The following NFAT5 variants were observed in gnomAD, a reference collection of about 807,000 sequenced individuals.
NFAT5 encodes nuclear factor of activated T-cells 5.
In NFAT5, 31 loss-of-function variants were observed where a neutral mutation model predicts 166.5. That is an observed-to-expected ratio of 0.19 (90% CI 0.14 to 0.25). NFAT5 has a LOEUF of 0.25. Ranked by LOEUF, NFAT5 falls within the 10% of genes least tolerant of loss-of-function variation. NFAT5 has a pLI of 1.00. For missense variants in NFAT5, 1,449 were observed against 1,821.8 expected (o/e 0.80, Z 3.72); for synonymous variants, 612 against 639.7 (o/e 0.96, Z 0.65).
At chr16:69,670,138 T>C (rs1238081774) in intron 8 of NFAT5, 27 bp downstream of exon 8, 1 of 1,602,972 alleles carries the variant, frequency 6.2e-7, no homozygotes, top group Admixed American at 1.8e-5. Context: ...GTGGTACAGA[T>C]ATTTGTATGT....
At chr16:69,688,429 G>T (rs2037415895) in intron 11 of NFAT5, among the ~76,000 whole-genome samples, 1 of 152,018 alleles carries the variant, frequency 6.6e-6, no homozygotes, top group Admixed American at 6.6e-5. Flanking sequence ...AGGCTGGAAT[G>T]CAGTGGCGTG....
intron 6 of NFAT5, among the ~76,000 whole-genome samples, chr16:69,659,378 G>C (rs2036028262): frequency 6.6e-6 from 1 of 152,012 alleles, no homozygotes; most frequent in African/African-American, 2.4e-5. Context: ...AGGAGACAGA[G>C]GTTGCAGTGA....
chr16:69,626,325 T>C (rs1040370368), intron 2 of NFAT5, 78 bp from the exon 3 acceptor site: 2 of 1,295,652 alleles, frequency 1.5e-6, no homozygotes, highest in African/African-American at 3.0e-5. Context: ...AGAAAAGACA[T>C]ACTCATTTTG....
At position 69,703,699 on chromosome 16, in the gene NFAT5, T is replaced by TA. The variant is rs2037935782; in HGVS notation, c.*7349dup. ...CTCTACAAATTTTGGTGCTGGCAAA[T>TA]ACATAGGCAAACTGTTGGGAGCTGC... is the stretch of plus-strand genomic sequence containing the variant. On this transcript the variant is annotated 3_prime_UTR_variant, in exon 15 of 15. Coordinates refer to ENST00000349945, the MANE Select transcript of NFAT5 (RefSeq NM_138713.4). 6.6e-6 allele frequency: 1 copy of TA among 152,616 alleles called. No individual in the cohort carries two copies. The highest frequency in any genetic ancestry group is 2.1e-4 in the South Asian group (1 of 4,826). 9.5% of individuals were successfully genotyped at this position (152,616 alleles called of 1,614,324 possible).
intron 3 of NFAT5, among the ~76,000 whole-genome samples, chr16:69,632,887 G>A (rs2034781113): frequency 6.6e-6 from 1 of 152,170 alleles, no homozygotes; most frequent in Non-Finnish European, 1.5e-5. Flanking sequence ...CTAGAAGGAA[G>A]TCAGATCCTA....
At position 69,590,617 on chromosome 16, in the gene NFAT5, T is replaced by C. The variant is rs368635927; in HGVS notation, c.127+22069T>C. Among the ~76,000 whole-genome samples, 7 of 152,380 alleles carry C rather than the reference T, an allele frequency of 4.6e-5. No homozygotes were observed. In the East Asian group the frequency reaches 5.8e-4, roughly 13 times the overall value. ...AAATCATGTTTTAAATTTAGTGTTA[T>C]ATAAATTTCAGGTTGTGTTCTATAT... On this transcript the variant is annotated intron_variant, in intron 2 of 14. Coordinates refer to ENST00000349945, the MANE Select transcript of NFAT5 (RefSeq NM_138713.4).
rs897189725 is a variant in NFAT5 at position 69,647,946 on chromosome 16, C to T, written c.812+360C>T. Among the ~76,000 whole-genome samples the T allele has an allele frequency of 2.0e-5, 3 of 151,778 alleles. No individual in the cohort carries two copies. Among genetic ancestry groups the T allele is most frequent in the Admixed American group, 1.3e-4 (2 of 15,224 alleles). ...CAGCACTTTGGGAGGCCGAGGCGGGCGGATCACCTGAGGTCAGGAGTTCGA... is the reference window on the plus strand; with the variant it reads ...CAGCACTTTGGGAGGCCGAGGCGGGTGGATCACCTGAGGTCAGGAGTTCGA... On this transcript the variant is annotated intron_variant, in intron 4 of 14. Transcript: ENST00000349945. The surrounding 1 kb of genome is among the most constrained non-coding windows in gnomAD (Gnocchi z 4.8).
intron 11 of NFAT5, among the ~76,000 whole-genome samples, chr16:69,688,998 G>C (rs114677628): frequency 1.3e-5 from 2 of 152,212 alleles, no homozygotes; most frequent in Non-Finnish European, 2.9e-5. Flanking sequence ...TGTAGGCCGA[G>C]TGTGGTGGCT....
intron 3 of NFAT5, among the ~76,000 whole-genome samples, chr16:69,629,620 AT>A (rs1193459580): frequency 3.1e-4 from 45 of 144,144 alleles, no homozygotes; most frequent in South Asian, 8.8e-4. Flanking sequence ...TTGTTATCCC[AT>A]TTTTTTTTTT....
At position 69,691,807 on chromosome 16, in the gene NFAT5, G is replaced by C; in HGVS notation, c.1982G>C (p.Gly661Ala). The C allele has an allele frequency of 1.2e-6, 2 of 1,614,122 alleles. No homozygotes were observed. The highest frequency in any genetic ancestry group is 1.7e-6 in the Non-Finnish European group (2 of 1,180,032). Residue 661 changes from glycine (G) to alanine (A), a missense_variant, in exon 13 of 15, where the codon GGA (glycine) becomes GCA (alanine). Transcript: ENST00000349945. ...TTAGAAAACATCTCAAACATAGCAG[G>C]AAATGGCTCTTTTTCATCACCATCA... is the stretch of plus-strand genomic sequence containing the variant. ...QTLENISNIAGNGSFSSPSSS... is the reference protein window; with the variant it reads ...QTLENISNIAANGSFSSPSSS...
intron 2 of NFAT5, among the ~76,000 whole-genome samples, chr16:69,601,584 G>A (rs374586601): frequency 6.6e-6 from 1 of 152,092 alleles, no homozygotes; most frequent in East Asian, 1.9e-4. Context: ...ATGTTGCCAA[G>A]GCCAGTTTCA....
In NFAT5 at chr16:69,683,918, G is replaced by A. The variant is rs537173585; in HGVS notation, c.1691-969G>A. On this transcript the variant is annotated intron_variant, in intron 10 of 14. Transcript: ENST00000349945. ...GTTTGAGACCAGCCTGGCCAACATG[G>A]TGAAACCCCATCTGTACTGAAAATA... is the stretch of plus-strand genomic sequence containing the variant. 8.5e-5 allele frequency among the ~76,000 whole-genome samples: 13 copies of A among 152,234 alleles called. No homozygotes were observed. In the East Asian group the frequency reaches 2.5e-3, roughly 30 times the overall value.
At chr16:69,571,916 C>T (rs879362715) in intron 2 of NFAT5, among the ~76,000 whole-genome samples, 1 of 152,022 alleles carries the variant, frequency 6.6e-6, no homozygotes, top group Non-Finnish European at 1.5e-5. Flanking sequence ...ACTGCCACCA[C>T]GCCCGGCTAA....
chr16:69,666,448 T>G (rs2036383995), intron 7 of NFAT5, among the ~76,000 whole-genome samples: 1 of 151,226 alleles, frequency 6.6e-6, no homozygotes, highest in Admixed American at 6.6e-5. Flanking sequence ...ATCCAGAATC[T>G]ACAATGAACT....
chr16:69,608,668 G>T (rs1478306953), intron 2 of NFAT5, among the ~76,000 whole-genome samples: 1 of 151,946 alleles, frequency 6.6e-6, no homozygotes. Flanking sequence ...GTGGTACAGT[G>T]CAATGGCACA....
chr16:69,685,249 T>C (rs1307973734), intron 11 of NFAT5: 2 of 148,704 alleles, frequency 1.3e-5, no homozygotes, highest in African/African-American at 2.5e-5. Flanking sequence ...AATTACCCAA[T>C]ATTAAAAGTA....
At chr16:69,638,183 C>T (rs1400576817) in intron 3 of NFAT5, among the ~76,000 whole-genome samples, 1 of 152,134 alleles carries the variant, frequency 6.6e-6, no homozygotes, top group East Asian at 1.9e-4. Context: ...CACGCCATTG[C>T]ACTCCAGCCT....
rs1037382239 is a variant in NFAT5, at chr16:69,661,539, TAAAAAAAAAAA to T, written c.1369+1658_1369+1668del. On this transcript the variant is annotated intron_variant, in intron 7 of 14. Transcript: ENST00000349945. ...AGCCTGTATAAGAGACCCAGTCTCT[TAAAAAAAAAAA>T]AAAAAAAAAAAAAAAAAGGAAATTG... Among the ~76,000 whole-genome samples the T allele has an allele frequency of 3.5e-3, 133 of 37,936 alleles. 1 individual carries two copies. The East Asian group carries it at 0.088, about 25-fold the overall frequency. 24.9% of individuals were successfully genotyped at this position (37,936 alleles called of 152,430 possible).
chr16:69,664,793 C>A (rs2036294725), intron 7 of NFAT5, among the ~76,000 whole-genome samples: 1 of 152,052 alleles, frequency 6.6e-6, no homozygotes, highest in Admixed American at 6.6e-5. Context: ...TTTGGGAGGC[C>A]AAGGTGGGCC....
Sources: allele counts gnomAD v4.1 joint callset (sites outside exome capture counted in the v4.1 genomes callset), GRCh38; gene constraint gnomAD v4.1.1; non-coding constraint Gnocchi (gnomAD v3.1); transcripts MANE v1.5; gene names NCBI Gene and HGNC (gene_info 2026-07-23, HGNC 2026-07-21).